The following TYW1B variants were observed in gnomAD, a reference collection of about 807,000 sequenced individuals.
TYW1B encodes tRNA-yW synthesizing protein 1 homolog B, also known as S-adenosyl-L-methionine-dependent tRNA 4-demethylwyosine synthase TYW1B.
Under a neutral mutation model 86.9 loss-of-function variants are expected in TYW1B, and 73 were observed. That is an observed-to-expected ratio of 0.84 (90% CI 0.70 to 1.02). The LOEUF (loss-of-function observed/expected upper bound fraction) is 1.02. TYW1B is among the 50% of genes least tolerant of loss of function. TYW1B has a pLI of 0.00. For synonymous variants in TYW1B, 248 were observed against 292.8 expected, an observed-to-expected ratio of 0.85 and a Z score of 1.56; for missense variants, 637 against 827.4, an observed-to-expected ratio of 0.77 and a Z score of 2.82.
At chr7:72,809,709 G>C (rs1326833639) in intron 4 of TYW1B, among the ~76,000 whole-genome samples, 1 of 151,882 alleles carries the variant, frequency 6.6e-6, no homozygotes, top group Non-Finnish European at 1.5e-5. Context: ...TGCATAAAGA[G>C]CTTGGGCAGG....
At chr7:72,746,447 G>C (rs1292208445) in intron 7 of TYW1B, among the ~76,000 whole-genome samples, 1 of 152,160 alleles carries the variant, frequency 6.6e-6, no homozygotes, top group Non-Finnish European at 1.5e-5. Context: ...CATGCCACTA[G>C]AGAAACAAAG....
chr7:72,798,369 C>G (rs533570665), intron 6 of TYW1B, among the ~76,000 whole-genome samples: 39 of 151,318 alleles, frequency 2.6e-4, no homozygotes, highest in African/African-American at 9.5e-4. Flanking sequence ...CCAGCCTGGG[C>G]GACAGAGCAA....
intron 11 of TYW1B, among the ~76,000 whole-genome samples, chr7:72,691,479 G>C (rs1233400167): frequency 1.3e-5 from 2 of 152,204 alleles, no homozygotes; most frequent in East Asian, 3.8e-4. Context: ...CAAACCCAGA[G>C]TGATTACAAT....
At chr7:72,761,139 T>C (rs1787679244) in intron 7 of TYW1B, among the ~76,000 whole-genome samples, 1 of 152,180 alleles carries the variant, frequency 6.6e-6, no homozygotes, top group Non-Finnish European at 1.5e-5. Context: ...CCTAAAGTTA[T>C]GTTCAATTAA....
intron 13 of TYW1B, among the ~76,000 whole-genome samples, chr7:72,577,459 A>G (rs1483175006): frequency 6.6e-6 from 1 of 152,204 alleles, no homozygotes. Flanking sequence ...CTCTCTCCCA[A>G]GACAGACTGT....
chr7:72,661,952 G>C (rs1245679307), intron 11 of TYW1B, among the ~76,000 whole-genome samples: 1 of 151,968 alleles, frequency 6.6e-6, no homozygotes, highest in Non-Finnish European at 1.5e-5. Flanking sequence ...GGAAGTTCTA[G>C]AAAACTAGGC....
intron 6 of TYW1B, among the ~76,000 whole-genome samples, chr7:72,783,026 A>G (rs1788073872): frequency 1.3e-5 from 2 of 152,242 alleles, no homozygotes; most frequent in Admixed American, 1.3e-4. Context: ...CCTCAAAACT[A>G]TCAGACAGCT....
At chr7:72,751,149 T>TA (rs1311558163) in intron 7 of TYW1B, among the ~76,000 whole-genome samples, 1 of 152,010 alleles carries the variant, frequency 6.6e-6, no homozygotes, top group Non-Finnish European at 1.5e-5. Context: ...GCAATTCTCC[T>TA]ACCTCAGCCT....
chr7:72,789,972 A>T (rs34180712), intron 6 of TYW1B, among the ~76,000 whole-genome samples: 91,743 of 131,882 alleles, frequency 0.7, 32,382 homozygotes, highest in Middle Eastern at 0.78. Context: ...TTTGAGACAG[A>T]GTTTCACTCT....
chr7:72,815,314 T>G, intron 3 of TYW1B, 66 bp downstream of exon 3: 1 of 1,361,842 alleles, frequency 7.3e-7, no homozygotes, highest in South Asian at 1.4e-5. Context: ...CTAATTAAAT[T>G]TACTGTGAAG....
At chr7:72,703,580 C>T (rs1182219503) in intron 10 of TYW1B, among the ~76,000 whole-genome samples, 6 of 151,794 alleles carry the variant, frequency 4.0e-5, no homozygotes, top group Non-Finnish European at 7.4e-5. Flanking sequence ...TCAGACCAGA[C>T]GCGGTGGCTC....
intron 12 of TYW1B, among the ~76,000 whole-genome samples, chr7:72,622,082 G>A (rs1319403333): frequency 3.3e-5 from 5 of 152,062 alleles, no homozygotes; most frequent in Non-Finnish European, 7.3e-5. Flanking sequence ...CACACAGACA[G>A]TATTTCATTT....
At chr7:72,760,676 T>C (rs536670705) in intron 7 of TYW1B, among the ~76,000 whole-genome samples, 6 of 152,314 alleles carry the variant, frequency 3.9e-5, no homozygotes, top group African/African-American at 1.4e-4. Flanking sequence ...TATGTAAATC[T>C]TTAATCAATA....
chr7:72,803,052 A>G (rs531156133), intron 5 of TYW1B, among the ~76,000 whole-genome samples: 83 of 152,288 alleles, frequency 5.5e-4, no homozygotes, highest in Non-Finnish European at 1.1e-3. Context: ...CCTGGGGAAC[A>G]TAGCAAGACC....
intron 5 of TYW1B, among the ~76,000 whole-genome samples, chr7:72,804,467 A>G (rs1472466346): frequency 1.1e-4 from 17 of 152,218 alleles, no homozygotes; most frequent in African/African-American, 4.1e-4. Flanking sequence ...GCGCCAGATG[A>G]TAGGATTATC....
chr7:72,712,642 T>C lies in TYW1B; in HGVS notation c.1370+979A>G, dbSNP rs576521793. ...CGCGCCTGGCTTAACAGCATCTTTT[T>C]TAAGACTCCCTCATTCACATTGACT... On this transcript the variant is annotated intron_variant, in intron 10 of 13. Transcript: ENST00000620995. 2.6e-5 allele frequency among the ~76,000 whole-genome samples: 4 copies of C among 152,298 alleles called. No homozygotes were observed. In the South Asian group the frequency reaches 8.3e-4, roughly 32 times the overall value.
intron 9 of TYW1B, among the ~76,000 whole-genome samples, chr7:72,727,733 G>C (rs183878058): frequency 4.4e-4 from 65 of 148,998 alleles, no homozygotes; most frequent in Non-Finnish European, 1.5e-5. Flanking sequence ...AGGATCATCT[G>C]AGCCTGGGAA....
intron 13 of TYW1B, among the ~76,000 whole-genome samples, chr7:72,587,133 C>T (rs1162811098): frequency 2.0e-5 from 3 of 152,056 alleles, no homozygotes; most frequent in South Asian, 2.1e-4. Flanking sequence ...GAGAGGCTAC[C>T]GGACCTTCTC....
intron 11 of TYW1B, among the ~76,000 whole-genome samples, chr7:72,666,138 G>A (rs1322420948): frequency 6.6e-6 from 1 of 152,090 alleles, no homozygotes; most frequent in Non-Finnish European, 1.5e-5. Context: ...CAAAGGCCAG[G>A]CATGGTGGCT....
Sources: gnomAD v4.1 joint callset for allele counts (sites outside exome capture counted in the v4.1 genomes callset) on GRCh38, gnomAD v4.1.1 for gene constraint, MANE v1.5 for transcripts, NCBI Gene and HGNC (gene_info 2026-07-23, HGNC 2026-07-21) for gene names.